The following OSBPL1A variants were observed in gnomAD, a reference collection of about 807,000 sequenced individuals.
OSBPL1A encodes oxysterol-binding protein-related protein 1.
In OSBPL1A, 80 loss-of-function variants were observed where a neutral mutation model predicts 137.1. That is an observed-to-expected ratio of 0.58 (90% confidence interval 0.49 to 0.70). The LOEUF (loss-of-function observed/expected upper bound fraction) is 0.70, where lower values mean the gene tolerates loss of function less well. OSBPL1A is among the 30% of genes least tolerant of loss of function. The probability of loss-of-function intolerance (pLI) is 0.00; values close to 1 mark genes in which losing one functional copy is unlikely to be tolerated. For synonymous variants in OSBPL1A, 365 were observed against 389.7 expected (o/e 0.94, Z 0.75); for missense variants, 970 against 1,129.4 (o/e 0.86, Z 2.02).
chr18:24,351,528 TTTTG>T (rs146795519), intron 4 of OSBPL1A, among the ~76,000 whole-genome samples: 33,448 of 150,814 alleles, frequency 0.22, 4,181 homozygotes, highest in East Asian at 0.5. Context: ...TGCAATTGTT[TTTTG>T]TTTGTTTGTT....
chr18:24,297,362 A>T (rs1372323364), intron 14 of OSBPL1A, among the ~76,000 whole-genome samples: 1 of 152,128 alleles, frequency 6.6e-6, no homozygotes, highest in Non-Finnish European at 1.5e-5. Context: ...TTTCGAATTA[A>T]GCTTATTTGG....
intron 21 of OSBPL1A, among the ~76,000 whole-genome samples, chr18:24,176,204 G>C (rs1213169877): frequency 6.6e-6 from 1 of 152,130 alleles, no homozygotes; most frequent in African/African-American, 2.4e-5. Context: ...ATCATCTTGG[G>C]ATTTTGATTT....
intron 4 of OSBPL1A, among the ~76,000 whole-genome samples, chr18:24,343,203 AAAAAC>A (rs1222560988): frequency 6.6e-6 from 1 of 152,138 alleles, no homozygotes; most frequent in Non-Finnish European, 1.5e-5. Flanking sequence ...GGAAACCAAG[AAAAAC>A]AATTCTATTT....
intron 5 of OSBPL1A, among the ~76,000 whole-genome samples, chr18:24,338,808 G>C (rs1382795826): frequency 6.6e-6 from 1 of 152,014 alleles, no homozygotes; most frequent in Non-Finnish European, 1.5e-5. Context: ...CCACCTCCTG[G>C]GTTCAAGCAA....
At position 24,193,771 on chromosome 18, in the gene OSBPL1A, G is replaced by C. The variant is rs140752934; in HGVS notation, c.1677+2354C>G. On this transcript the variant is annotated intron_variant, in intron 18 of 27. Transcript: ENST00000319481. ...CCCTGAAGCTCTCTCTCTATGCTTT[G>C]AATCAGTAAGTTCTAGAGATATGAT... Among the ~76,000 whole-genome samples the C allele has an allele frequency of 4.0e-3, 605 of 152,236 alleles. 2 individuals carry two copies. Among genetic ancestry groups the C allele is most frequent in the African/African-American group, 0.013 (525 of 41,534 alleles).
At chr18:24,168,563 C>CT (rs1339981138) in intron 24 of OSBPL1A, among the ~76,000 whole-genome samples, 1 of 152,138 alleles carries the variant, frequency 6.6e-6, no homozygotes, top group Non-Finnish European at 1.5e-5. Flanking sequence ...GTCACGACCG[C>CT]TTTTTAGACA....
At chr18:24,225,342 C>G in intron 16 of OSBPL1A, 144 bp from the exon 17 acceptor site, 1 of 755,008 alleles carries the variant, frequency 1.3e-6, no homozygotes, top group South Asian at 1.9e-5. Flanking sequence ...ACTACCTCCT[C>G]AGGGATTTCA....
intron 5 of OSBPL1A, among the ~76,000 whole-genome samples, chr18:24,340,343 T>G (rs912256232): frequency 1.8e-4 from 27 of 152,284 alleles, no homozygotes; most frequent in African/African-American, 6.5e-4. Flanking sequence ...CATCAAGAAA[T>G]TACTGCTGCC....
chr18:24,283,281 A>AAATATATATAT (rs1246058393), intron 14 of OSBPL1A, among the ~76,000 whole-genome samples: 1 of 78,376 alleles, frequency 1.3e-5, no homozygotes, highest in African/African-American at 5.3e-5. Context: ...AAAAAAAAAA[A>AAATATATATAT]ATATATATAT....
At chr18:24,239,925 CT>C (rs10699940) in intron 15 of OSBPL1A, among the ~76,000 whole-genome samples, 7,263 of 125,492 alleles carry the variant, frequency 0.058, 155 homozygotes, top group Middle Eastern at 0.095. Flanking sequence ...TCATTTTTCT[CT>C]TTTTTTTTTT....
At chr18:24,329,838 A>G (rs1219138997) in intron 7 of OSBPL1A, among the ~76,000 whole-genome samples, 1 of 152,174 alleles carries the variant, frequency 6.6e-6, no homozygotes, top group Admixed American at 6.5e-5. Flanking sequence ...CATCTTCTAA[A>G]TCTTACTATG....
At chr18:24,175,128 A>ACG (rs1371482027) in intron 21 of OSBPL1A, among the ~76,000 whole-genome samples, 25 of 130,402 alleles carry the variant, frequency 1.9e-4, no homozygotes, top group African/African-American at 7.9e-4. Flanking sequence ...ATATATATAT[A>ACG]TATATATACA....
chr18:24,311,011 G>A (rs1392567343), intron 13 of OSBPL1A, among the ~76,000 whole-genome samples: 4 of 152,258 alleles, frequency 2.6e-5, no homozygotes, highest in African/African-American at 9.6e-5. Context: ...ATACACATTA[G>A]GCTTTAAACC....
At chr18:24,191,579 A>C (rs985649407) in intron 18 of OSBPL1A, among the ~76,000 whole-genome samples, 1 of 152,236 alleles carries the variant, frequency 6.6e-6, no homozygotes, top group Non-Finnish European at 1.5e-5. Flanking sequence ...AATGTTTACA[A>C]TTGTAATCAA....
In OSBPL1A at chr18:24,271,464, G is replaced by A; in HGVS notation, c.1281+9378C>T. On this transcript the variant is annotated intron_variant, in intron 15 of 27. Transcript: ENST00000319481. This position sits in a 1 kb window ranked among gnomAD's most constrained non-coding sequence, Gnocchi z 4.0. ...CTGGTGCGCCCCTCCCCACGCGCCC[G>A]CGGCTGCACCCCACTCTGCACACAC... 3.8e-6 allele frequency: 3 copies of A among 792,448 alleles called. No individual in the cohort carries two copies. The highest frequency in any genetic ancestry group is 4.6e-6 in the Non-Finnish European group (3 of 653,686). 49.1% of individuals were successfully genotyped at this position (792,448 alleles called of 1,614,324 possible). A position where few individuals can be genotyped will look rare whatever the true frequency, so the allele number is the denominator to read the frequency against.
chr18:24,358,565 A>C, intron 4 of OSBPL1A: 2 of 701,228 alleles, frequency 2.9e-6, no homozygotes, highest in South Asian at 1.5e-5. Flanking sequence ...ATCAAATGAA[A>C]CGATACGTGT....
At chr18:24,385,168 A>G (rs547149406) in intron 1 of OSBPL1A, among the ~76,000 whole-genome samples, 176 of 151,992 alleles carry the variant, frequency 1.2e-3, no homozygotes, top group African/African-American at 4.0e-3. Flanking sequence ...GTTAGCCAGG[A>G]TGGTCTCTAT....
In OSBPL1A at chr18:24,303,616, G is replaced by A. The variant is rs1170894345; in HGVS notation, c.1174+21C>T. 2.5e-6 allele frequency: 4 copies of A among 1,587,332 alleles called. No individual in the cohort carries two copies. The Admixed American group carries it at 6.7e-5, about 26-fold the overall frequency. ...TCTATGTGTTAAAGAGTGATTGTAGGGATAGTGCTTGTCTTTTTACCTTTA... is the reference window on the plus strand; with the variant it reads ...TCTATGTGTTAAAGAGTGATTGTAGAGATAGTGCTTGTCTTTTTACCTTTA... On this transcript the variant is annotated intron_variant, in intron 14 of 27. Transcript: ENST00000319481.
chr18:24,330,944 G>A (rs1333398490), intron 7 of OSBPL1A, among the ~76,000 whole-genome samples: 1 of 152,092 alleles, frequency 6.6e-6, no homozygotes, highest in African/African-American at 2.4e-5. Flanking sequence ...ACAGGTGCAC[G>A]CCACCATGCC....
Sources: gnomAD v4.1 joint callset for allele counts (sites outside exome capture counted in the v4.1 genomes callset) on GRCh38, gnomAD v4.1.1 for gene constraint, Gnocchi (gnomAD v3.1) non-coding constraint, MANE v1.5 for transcripts, NCBI Gene and HGNC (gene_info 2026-07-23, HGNC 2026-07-21) for gene names.